Variants in CDH13 observed in about 807,000 individuals in gnomAD.
CDH13 encodes the protein cadherin 13.
In CDH13, 24 loss-of-function variants were observed where a neutral mutation model predicts 63.8. The ratio of observed to expected loss-of-function variants is 0.38; its 90% CI spans 0.27 to 0.53. CDH13 has a LOEUF of 0.53. CDH13 is among the 20% of genes least tolerant of loss of function. The probability of loss-of-function intolerance (pLI) is 0.85; values close to 1 mark genes in which losing one functional copy is unlikely to be tolerated. For synonymous variants in CDH13, 503 were observed against 355.3 expected, an observed-to-expected ratio of 1.42 and a Z score of -4.67; for missense variants, 1,049 against 903.1, an observed-to-expected ratio of 1.16 and a Z score of -2.07.
intron 2 of CDH13, among the ~76,000 whole-genome samples, chr16:82,922,646 C>A (rs1434071967): frequency 6.6e-6 from 1 of 152,136 alleles, no homozygotes; most frequent in Non-Finnish European, 1.5e-5. Context: ...GAGAAAAGCT[C>A]ACAGAGAAGA....
intron 2 of CDH13, chr16:82,859,706 T>C (rs12597819): frequency 0.092 from 13,979 of 151,442 alleles, 2,084 homozygotes; most frequent in East Asian, 0.73. Context: ...TCCTATGCTA[T>C]GTGGCTGACA....
chr16:82,764,624 C>G (rs1355224011), intron 1 of CDH13, among the ~76,000 whole-genome samples: 3 of 152,134 alleles, frequency 2.0e-5, no homozygotes, highest in Non-Finnish European at 4.4e-5. Context: ...ATGCCTGGCC[C>G]ACAGTAGGTG....
In CDH13 at chr16:83,000,584, TTTTTTTG is replaced by T. The variant is rs1262749381; in HGVS notation, c.158-31421_158-31415del. Among the ~76,000 whole-genome samples the T allele has an allele frequency of 6.0e-5, 9 of 149,834 alleles. 1 individual carries two copies. The highest frequency in any genetic ancestry group is 1.0e-4 in the Non-Finnish European group (7 of 67,476). On this transcript the variant is annotated intron_variant, in intron 2 of 13. Coordinates refer to ENST00000567109, the MANE Select transcript of CDH13 (RefSeq NM_001257.5). The stretch of plus-strand genomic sequence containing the variant: ...TCTTTTTTCTTTTCTCTTTTTTTTT[TTTTTTTG>T]TTTTGTTTTGTTTTTTGAGAGGGAG...
At chr16:83,671,335 G>A (rs535809596) in intron 9 of CDH13, among the ~76,000 whole-genome samples, 2 of 152,124 alleles carry the variant, frequency 1.3e-5, no homozygotes, top group South Asian at 4.1e-4. Flanking sequence ...TGCAATCTCC[G>A]CCTCCTAGGT....
intron 1 of CDH13, among the ~76,000 whole-genome samples, chr16:82,785,103 A>AG (rs1195792589): frequency 1.3e-5 from 2 of 152,224 alleles, no homozygotes; most frequent in East Asian, 1.9e-4. Context: ...AGTCTGAAGG[A>AG]GGGAGGGTAC....
intron 3 of CDH13, among the ~76,000 whole-genome samples, chr16:83,040,545 G>A (rs1181710300): frequency 7.2e-5 from 11 of 152,134 alleles, no homozygotes; most frequent in African/African-American, 2.7e-4. Context: ...CATCCAACAT[G>A]GGAGAAAGAT....
intron 6 of CDH13, among the ~76,000 whole-genome samples, chr16:83,462,579 C>T (rs552583734): frequency 6.6e-6 from 1 of 152,228 alleles, no homozygotes; most frequent in Admixed American, 6.5e-5. Flanking sequence ...GGTGAAACCC[C>T]ATCTCTATTA....
chr16:83,347,549 T>A (rs1484778076), intron 6 of CDH13, among the ~76,000 whole-genome samples: 1 of 152,196 alleles, frequency 6.6e-6, no homozygotes, highest in East Asian at 1.9e-4. Context: ...GAGTACTTAC[T>A]GTGTGCCAGC....
At chr16:83,264,699 C>G (rs1379537581) in intron 5 of CDH13, among the ~76,000 whole-genome samples, 4 of 151,338 alleles carry the variant, frequency 2.6e-5, no homozygotes, top group Non-Finnish European at 5.9e-5. Flanking sequence ...CTCTGCCTAC[C>G]CCTAATTTCT....
At chr16:82,810,731 T>C (rs2151179569) in intron 1 of CDH13, among the ~76,000 whole-genome samples, 1 of 151,950 alleles carries the variant, frequency 6.6e-6, no homozygotes, top group African/African-American at 2.4e-5. Flanking sequence ...CAGCTGTGGG[T>C]TTTGCGTGTG....
chr16:82,661,132 G>A (rs1459687988), intron 1 of CDH13, among the ~76,000 whole-genome samples: 2 of 152,148 alleles, frequency 1.3e-5, no homozygotes, highest in African/African-American at 4.8e-5. Flanking sequence ...ACAGCTGTCC[G>A]TTTCCTTTGC....
chr16:82,942,028 C>T (rs1012759339), intron 2 of CDH13, among the ~76,000 whole-genome samples: 2 of 152,130 alleles, frequency 1.3e-5, no homozygotes, highest in East Asian at 1.9e-4. Flanking sequence ...GTTTGATAAA[C>T]AGATGTTCTG....
At chr16:82,671,565 T>A (rs1913247150) in intron 1 of CDH13, among the ~76,000 whole-genome samples, 2 of 152,238 alleles carry the variant, frequency 1.3e-5, no homozygotes. Flanking sequence ...TTTACTAACC[T>A]AGTCTTCAGA....
intron 1 of CDH13, among the ~76,000 whole-genome samples, chr16:82,851,210 C>T (rs770489790): frequency 6.6e-6 from 1 of 151,818 alleles, no homozygotes; most frequent in Non-Finnish European, 1.5e-5. Flanking sequence ...CTGAGGCGGG[C>T]GAATCGCAAG....
intron 5 of CDH13, among the ~76,000 whole-genome samples, chr16:83,268,565 A>C (rs2088696001): frequency 6.6e-6 from 1 of 152,188 alleles, no homozygotes; most frequent in Non-Finnish European, 1.5e-5. Context: ...TATAAATTAC[A>C]TGTTGTAGAC....
At chr16:82,771,222 A>T (rs2035249778) in intron 1 of CDH13, among the ~76,000 whole-genome samples, 1 of 152,228 alleles carries the variant, frequency 6.6e-6, no homozygotes, top group South Asian at 2.1e-4. Context: ...CACTGAAATC[A>T]AGGTGCTTTC....
At chr16:83,035,270 C>T (rs1916746078) in intron 3 of CDH13, among the ~76,000 whole-genome samples, 1 of 152,112 alleles carries the variant, frequency 6.6e-6, no homozygotes, top group African/African-American at 2.4e-5. Context: ...AGCTCAGCTC[C>T]TGTTGGGGAG....
intron 5 of CDH13, among the ~76,000 whole-genome samples, chr16:83,239,257 C>G (rs113991775): frequency 0.043 from 6,577 of 152,150 alleles, 153 homozygotes; most frequent in Middle Eastern, 0.065. Context: ...TTCAGCTCCT[C>G]AAGTTGGAAA....
At chr16:82,674,209 C>T (rs1001190944) in intron 1 of CDH13, among the ~76,000 whole-genome samples, 3 of 152,174 alleles carry the variant, frequency 2.0e-5, no homozygotes, top group African/African-American at 7.2e-5. Flanking sequence ...CAGCCTGGTG[C>T]CCTTCCTGCA....
Sources: gnomAD v4.1 joint callset for allele counts (sites outside exome capture counted in the v4.1 genomes callset) on GRCh38, gnomAD v4.1.1 for gene constraint, MANE v1.5 for transcripts, NCBI Gene and HGNC (gene_info 2026-07-23, HGNC 2026-07-21) for gene names.